The following NAPA variants were observed in gnomAD, a reference collection of about 807,000 sequenced individuals.
NAPA encodes the protein alpha-soluble NSF attachment protein.
NAPA carries 18 observed loss-of-function variants against 48.0 expected under a neutral mutation model. The ratio of observed to expected loss-of-function variants is 0.38; its 90% CI spans 0.26 to 0.56. NAPA has a LOEUF of 0.56. Ranked by LOEUF, NAPA falls within the 20% of genes least tolerant of loss-of-function variation. The pLI is 0.77. For synonymous variants in NAPA, 152 were observed against 149.9 expected, an observed-to-expected ratio of 1.01 and a Z score of -0.10; for missense variants, 315 against 385.0, an observed-to-expected ratio of 0.82 and a Z score of 1.52.
rs1045235592 is a variant in NAPA at position 47,509,255 on chromosome 19, G to A, written c.98+5588C>T. ...CGCTCAAAGGGGTGCCTGCCACCCA[G>A]GAATGGGAATTCTAGAGAGTTTCTT... On this transcript the variant is annotated intron_variant, in intron 1 of 10. Transcript: ENST00000263354. 2.7e-5 allele frequency among the ~76,000 whole-genome samples: 4 copies of A among 149,188 alleles called. No homozygotes were observed. The East Asian group carries it at 5.9e-4, about 22-fold the overall frequency.
At chr19:47,505,015 C>T (rs1968666734) in intron 1 of NAPA, among the ~76,000 whole-genome samples, 1 of 152,162 alleles carries the variant, frequency 6.6e-6, no homozygotes, top group East Asian at 1.9e-4. Flanking sequence ...TAATGAGCCT[C>T]CTCTTGACTT....
At chr19:47,500,106 C>T (rs555830376) in intron 3 of NAPA, among the ~76,000 whole-genome samples, 4 of 152,308 alleles carry the variant, frequency 2.6e-5, no homozygotes, top group South Asian at 2.1e-4. Flanking sequence ...GTCCCTAGCA[C>T]GCTCTCATTT....
At chr19:47,498,939 C>G (rs1293543942) in intron 3 of NAPA, among the ~76,000 whole-genome samples, 1 of 152,220 alleles carries the variant, frequency 6.6e-6, no homozygotes, top group African/African-American at 2.4e-5. Context: ...TCAGAACTGC[C>G]CCCTTTCTTC....
chr19:47,495,518 C>T (rs1218758465), intron 4 of NAPA, 32 bp downstream of exon 4: 6 of 1,611,618 alleles, frequency 3.7e-6, no homozygotes, highest in South Asian at 3.3e-5. Flanking sequence ...CAGTGGGACC[C>T]GGGGGTGTCA....
chr19:47,505,103 C>T lies in NAPA; in HGVS notation c.99-1601G>A, dbSNP rs79131679. Among the ~76,000 whole-genome samples, 852 of 152,240 alleles carry T rather than the reference C, an allele frequency of 5.6e-3. 5 individuals are homozygous for T. Among genetic ancestry groups the T allele is most frequent in the Non-Finnish European group, 9.7e-3 (658 of 68,016 alleles). ...CTTAATAATACAACCAGGCTTAGCC[C>T]GCGAGGTCTGTAGTCTCTGTAACTG... On this transcript the variant is annotated intron_variant, in intron 1 of 10. Transcript: ENST00000263354.
At position 47,503,417 on chromosome 19, in the gene NAPA, A is replaced by G; in HGVS notation, c.178+6T>C. ...CCTTGGAGGAGCTCTAGCGGAGATG[A>G]CATACCACTCCAGTTTTTGGCCATT... On this transcript the variant is annotated splice_donor_region_variant and intron_variant, in intron 2 of 10. Transcript: ENST00000263354. The G allele has an allele frequency of 6.2e-7, 1 of 1,611,954 alleles. No homozygotes were observed. The highest frequency in any genetic ancestry group is 8.5e-7 in the Non-Finnish European group (1 of 1,177,992).
intron 2 of NAPA, 130 bp downstream of exon 2, chr19:47,503,293 G>C: frequency 2.5e-6 from 2 of 813,160 alleles, no homozygotes; most frequent in Non-Finnish European, 4.2e-6. Context: ...CAGGCCAGTG[G>C]CTTTCCGATG....
intron 4 of NAPA, among the ~76,000 whole-genome samples, chr19:47,494,601 G>C (rs1205465314): frequency 6.6e-6 from 1 of 151,988 alleles, no homozygotes; most frequent in Non-Finnish European, 1.5e-5. Flanking sequence ...AGCCAGGCAT[G>C]GTAGCACACG....
Position 47,489,776 on chromosome 19 carries a change from CAG to C in NAPA, c.736-17_736-16del. 6.2e-7 allele frequency: 1 copy of C among 1,613,888 alleles called. No homozygotes were observed. Among genetic ancestry groups the C allele is most frequent in the Non-Finnish European group, 8.5e-7 (1 of 1,179,938 alleles). On this transcript the variant is annotated splice_polypyrimidine_tract_variant and intron_variant, in intron 9 of 10. Coordinates refer to ENST00000263354, the MANE Select transcript of NAPA (RefSeq NM_003827.4). ...TCTAGCAATTTCTGCAAGCAAATGG[CAG>C]AGAGGGGTCAGGGGCCTATGCTGAC...
At position 47,492,266 on chromosome 19, in the gene NAPA, C is replaced by T. The variant is rs559350194; in HGVS notation, c.562-147G>A. On this transcript the variant is annotated intron_variant, in intron 7 of 10. Transcript: ENST00000263354. ...ACCCAGGACCCCAAGGGCAGGGAGC[C>T]AGGGACCAGCTTGGAGAGGTCAGCG... 9.9e-5 allele frequency: 66 copies of T among 665,442 alleles called. No individual in the cohort carries two copies. In the South Asian group the frequency reaches 1.1e-3, roughly 12 times the overall value. The allele number at this position is 665,442 out of a possible 1,614,324, so 41.2% of individuals were successfully genotyped here. A position where few individuals can be genotyped will look rare whatever the true frequency, so the allele number is the denominator to read the frequency against.
Position 47,488,282 on chromosome 19 carries a change from T to C in NAPA, c.*6A>G. 6.2e-7 allele frequency: 1 copy of C among 1,606,978 alleles called. No homozygotes were observed. Among genetic ancestry groups the C allele is most frequent in the Non-Finnish European group, 8.5e-7 (1 of 1,174,828 alleles). ...GGAAGACGGGCACTGGGGGGCTGGG[T>C]GGGGCTTAGCGCAGGTCCTCCTCAT... On this transcript the variant is annotated 3_prime_UTR_variant, in exon 11 of 11. Transcript: ENST00000263354.
At chr19:47,490,296 TGA>T (rs1313100319) in intron 9 of NAPA, among the ~76,000 whole-genome samples, 2 of 144,242 alleles carry the variant, frequency 1.4e-5, no homozygotes, top group Admixed American at 7.1e-5. Context: ...GTGTTTTGTG[TGA>T]GGGGTGTGTC....
At chr19:47,509,986 C>G (rs1437881483) in intron 1 of NAPA, among the ~76,000 whole-genome samples, 1 of 152,220 alleles carries the variant, frequency 6.6e-6, no homozygotes, top group East Asian at 1.9e-4. Flanking sequence ...TATGGCCAGG[C>G]AGCAAAGTCC....
chr19:47,488,226 C>CGGGT lies in NAPA; in HGVS notation c.*61_*62insACCC. 1 of 1,469,132 alleles carries CGGGT rather than the reference C, an allele frequency of 6.8e-7. No individual in the cohort carries two copies. Among genetic ancestry groups the CGGGT allele is most frequent in the Non-Finnish European group, 9.4e-7 (1 of 1,065,610 alleles). The allele number at this position is 1,469,132 out of a possible 1,614,324, so 91.0% of individuals were successfully genotyped here. A position where few individuals can be genotyped will look rare whatever the true frequency, so the allele number is the denominator to read the frequency against. Reference sequence around the variant, plus strand: ...AGGAGGGAAGCTCTCCAGCAAGTCTCGGCCCCACCTCTCTCTGAGCAGATG... The same window carrying CGGGT: ...AGGAGGGAAGCTCTCCAGCAAGTCTCGGGTGGCCCCACCTCTCTCTGAGCAGATG... On this transcript the variant is annotated 3_prime_UTR_variant, in exon 11 of 11. Transcript: ENST00000263354.
chr19:47,492,926 G>A, intron 7 of NAPA, 35 bp downstream of exon 7: 1 of 1,601,402 alleles, frequency 6.2e-7, no homozygotes, highest in Admixed American at 1.7e-5. Flanking sequence ...CTGAGAGGGG[G>A]CAGGGTGGAA....
At chr19:47,495,515 A>AC (rs1327515329) in intron 4 of NAPA, 35 bp downstream of exon 4, 1 of 1,609,398 alleles carries the variant, frequency 6.2e-7, no homozygotes, top group East Asian at 2.2e-5. Flanking sequence ...ATGCAGTGGG[A>AC]CCCGGGGGTG....
intron 1 of NAPA, among the ~76,000 whole-genome samples, chr19:47,511,199 T>C (rs543326388): frequency 1.2e-3 from 190 of 152,322 alleles, no homozygotes; most frequent in Middle Eastern, 3.4e-3. Flanking sequence ...TCCCGGCAGC[T>C]ACCAAGGACC....
intron 1 of NAPA, among the ~76,000 whole-genome samples, chr19:47,513,973 C>T (rs566610450): frequency 3.3e-5 from 5 of 151,266 alleles, no homozygotes; most frequent in Non-Finnish European, 7.4e-5. Context: ...CCCAGCCTCC[C>T]GAGTAGCTGG....
chr19:47,493,423 A>T lies in NAPA; in HGVS notation c.413T>A (p.Ile138Asn), dbSNP rs1968334521. ...AEIYETELVD[I>N]EKAIAHYEQS... is the part of the protein sequence containing the mutation. Reference sequence around the variant, plus strand: ...GGCCCTGCTGCCACTCACCTTCTCGATGTCCACCAACTCTGTCTCATAGAT... The same window carrying T: ...GGCCCTGCTGCCACTCACCTTCTCGTTGTCCACCAACTCTGTCTCATAGAT... The change falls in exon 5 of 11, where the codon ATC (isoleucine) becomes AAC (asparagine). Residue 138 changes from isoleucine (I) to asparagine (N), a missense_variant. Around this residue, in one of 3 missense-constraint regions of NAPA, gnomAD observed 173 missense variants for 213.5 expected, o/e 0.81. Coordinates refer to ENST00000263354, the MANE Select transcript of NAPA (RefSeq NM_003827.4). This position sits in a 1 kb window ranked among gnomAD's most constrained non-coding sequence, Gnocchi z 6.4. 4.3e-6 allele frequency: 7 copies of T among 1,613,840 alleles called. No homozygotes were observed. In the East Asian group the frequency reaches 1.6e-4, roughly 36 times the overall value.
Sources: gnomAD v4.1 joint callset for allele counts (sites outside exome capture counted in the v4.1 genomes callset) on GRCh38, gnomAD v4.1.1 for gene constraint, gnomAD v4.1.1 regional missense constraint, Gnocchi (gnomAD v3.1) non-coding constraint, MANE v1.5 for transcripts, NCBI Gene and HGNC (gene_info 2026-07-23, HGNC 2026-07-21) for gene names.